Variants in MMUT observed in about 807,000 individuals in gnomAD.
The protein encoded by MMUT is methylmalonyl-CoA mutase, also known as methylmalonyl-CoA mutase, mitochondrial.
A neutral mutation model predicts 79.9 loss-of-function variants in MMUT; 79 were observed. The observed-to-expected ratio is 0.99, with a 90% CI of 0.82 to 1.19. The LOEUF is 1.19. MMUT is among the 50% of genes most tolerant of loss of function. The pLI is 0.00. For missense variants in MMUT, 860 were observed against 917.2 expected, an observed-to-expected ratio of 0.94 and a Z score of 0.81; for synonymous variants, 273 against 295.7, an observed-to-expected ratio of 0.92 and a Z score of 0.79.
chr6:49,445,253 C>T (rs190667041), intron 8 of MMUT, among the ~76,000 whole-genome samples: 47 of 151,968 alleles, frequency 3.1e-4, no homozygotes, highest in East Asian at 7.7e-4. Context: ...ATCTCGAGAG[C>T]GAAAGAGGGA....
chr6:49,449,512 T>C (rs1166129758), intron 6 of MMUT, among the ~76,000 whole-genome samples: 2 of 152,080 alleles, frequency 1.3e-5, no homozygotes, highest in Non-Finnish European at 2.9e-5. Flanking sequence ...AGAAGACAAT[T>C]TGAGAGTCTG....
In MMUT at chr6:49,444,716, A is replaced by G. The variant is rs886042128; in HGVS notation, c.1599T>C (p.Cys533=). Residue 533 remains cysteine (C), a synonymous_variant, in exon 9 of 13, where the codon TGT becomes TGC. Transcript: ENST00000274813. The part of the protein sequence containing the change: ...SSRDQALAER[C]LAALTECAAS... ...CAGCACATTCGGTTAGTGCAGCAAG[A>G]CAACGTTCAGCCAAAGCTTGATCCC... The G allele has an allele frequency of 9.9e-6, 16 of 1,613,472 alleles. No homozygotes were observed. The highest frequency in any genetic ancestry group is 1.4e-5 in the Non-Finnish European group (16 of 1,179,514).
chr6:49,437,295 G>T (rs1767156269), intron 11 of MMUT, among the ~76,000 whole-genome samples: 1 of 151,724 alleles, frequency 6.6e-6, no homozygotes. Context: ...TTTTTATGTT[G>T]TGAATATTCC....
intron 3 of MMUT, 32 bp from the exon 4 acceptor site, chr6:49,456,269 A>C (rs1237296864): frequency 6.9e-7 from 1 of 1,451,426 alleles, no homozygotes; most frequent in Non-Finnish European, 9.7e-7. Flanking sequence ...AACAGTGAAT[A>C]AGTAAAAATA....
At chr6:49,453,533 A>C (rs565752383) in intron 5 of MMUT, 52 bp downstream of exon 5, 1 of 1,024,956 alleles carries the variant, frequency 9.8e-7, no homozygotes, top group East Asian at 3.0e-5. Flanking sequence ...GCTCAGAAAA[A>C]ATATATATAT....
intron 11 of MMUT, among the ~76,000 whole-genome samples, chr6:49,438,321 T>C (rs1434834597): frequency 6.6e-6 from 1 of 152,108 alleles, no homozygotes; most frequent in Non-Finnish European, 1.5e-5. Flanking sequence ...CTAAGTAACA[T>C]ATTAGTAGAG....
At chr6:49,443,756 A>T (rs1171162683) in intron 9 of MMUT, 1 of 435,116 alleles carries the variant, frequency 2.3e-6, no homozygotes. Flanking sequence ...CAAAAATCCT[A>T]TTAGGTAGTA....
At chr6:49,451,176 G>A (rs1186534928) in intron 6 of MMUT, among the ~76,000 whole-genome samples, 1 of 152,076 alleles carries the variant, frequency 6.6e-6, no homozygotes, top group African/African-American at 2.4e-5. Flanking sequence ...AAAACAAGTG[G>A]ATGATCAAAA....
chr6:49,445,864 C>T (rs1049643935), intron 8 of MMUT, among the ~76,000 whole-genome samples: 2 of 151,966 alleles, frequency 1.3e-5, no homozygotes, highest in Admixed American at 6.6e-5. Context: ...CATAAAAATG[C>T]CCATTTTTCT....
chr6:49,451,355 TTTG>T, intron 6 of MMUT, 108 bp downstream of exon 6: 1 of 1,245,520 alleles, frequency 8.0e-7, no homozygotes, highest in Non-Finnish European at 1.1e-6. Context: ...CTGTAAGTGA[TTTG>T]ATTTATAAAT....
rs1412463565 is a variant in MMUT, at chr6:49,441,840, C to T, written c.1808G>A (p.Arg603Lys). 2 of 1,610,016 alleles carry T rather than the reference C, an allele frequency of 1.2e-6. No homozygotes were observed. Among genetic ancestry groups the T allele is most frequent in the Non-Finnish European group, 1.7e-6 (2 of 1,177,512 alleles). ...TGGCCTAAGAAACCTTACATATTACCTCTTGATAGCAGATGTTATCTCTTT... is the reference window on the plus strand; with the variant it reads ...TGGCCTAAGAAACCTTACATATTACTTCTTGATAGCAGATGTTATCTCTTT... ...ESKEITSAIK[R>K]VHKFMEREGR... Residue 603 changes from arginine (R) to lysine (K), a missense_variant and splice_region_variant, in exon 10 of 13, where the codon AGG becomes AAG. By Grantham distance (26) the Arg-to-Lys change is conservative (BLOSUM62 2). Coordinates refer to ENST00000274813, the MANE Select transcript of MMUT (RefSeq NM_000255.4).
At chr6:49,444,814 A>G in intron 8 of MMUT, 60 bp from the exon 9 acceptor site, 1 of 1,374,996 alleles carries the variant, frequency 7.3e-7, no homozygotes. Flanking sequence ...ACAGAGATCA[A>G]GAGATTAGAC....
intron 8 of MMUT, among the ~76,000 whole-genome samples, chr6:49,445,034 C>A (rs1450807956): frequency 6.6e-6 from 1 of 151,904 alleles, no homozygotes; most frequent in Non-Finnish European, 1.5e-5. Context: ...CCAAGTAGCA[C>A]ATGTTACTTA....
At chr6:49,453,042 T>TG (rs927960426) in intron 5 of MMUT, among the ~76,000 whole-genome samples, 4 of 135,702 alleles carry the variant, frequency 2.9e-5, no homozygotes, top group South Asian at 2.5e-4. Context: ...TTTCTTTGTT[T>TG]TTTTTTTTTT....
intron 7 of MMUT, 120 bp from the exon 8 acceptor site, chr6:49,447,905 C>T (rs1221655976): frequency 2.3e-5 from 15 of 663,006 alleles, no homozygotes; most frequent in African/African-American, 5.5e-5. Context: ...ATTCTTAATG[C>T]AACTTCAATA....
chr6:49,436,607 A>C (rs533286592), intron 11 of MMUT, among the ~76,000 whole-genome samples: 1 of 149,968 alleles, frequency 6.7e-6, no homozygotes, highest in Non-Finnish European at 1.5e-5. Context: ...TCTGTTTCAA[A>C]AAAAAAAAAA....
intron 4 of MMUT, 92 bp from the exon 5 acceptor site, chr6:49,453,848 G>A (rs978181774): frequency 2.7e-6 from 3 of 1,095,730 alleles, no homozygotes; most frequent in Admixed American, 1.9e-5. Flanking sequence ...AGAAAATCAA[G>A]GTCTATATTT....
At chr6:49,450,022 G>C (rs1279302187) in intron 6 of MMUT, among the ~76,000 whole-genome samples, 1 of 151,980 alleles carries the variant, frequency 6.6e-6, no homozygotes, top group Non-Finnish European at 1.5e-5. Context: ...CACGAGGTCA[G>C]GAGTTTGAGA....
At chr6:49,432,519 C>G (rs972301845) in intron 12 of MMUT, among the ~76,000 whole-genome samples, 1 of 152,096 alleles carries the variant, frequency 6.6e-6, no homozygotes, top group Non-Finnish European at 1.5e-5. Flanking sequence ...TTCCAAGTAG[C>G]TGTGGCTACA....
Sources: gnomAD v4.1 joint callset for allele counts (sites outside exome capture counted in the v4.1 genomes callset) on GRCh38, gnomAD v4.1.1 for gene constraint, MANE v1.5 for transcripts, NCBI Gene and HGNC (gene_info 2026-07-23, HGNC 2026-07-21) for gene names.